SLC9A9: variants seen among roughly 807,000 people sequenced by gnomAD.
SLC9A9 encodes the protein sodium/hydrogen exchanger 9.
SLC9A9 carries 62 observed loss-of-function variants against 77.8 expected under a neutral mutation model. The ratio of observed to expected loss-of-function variants is 0.80; its 90% CI spans 0.65 to 0.98. The LOEUF is 0.98. Among genes scored for constraint, SLC9A9 ranks in the 50% least tolerant of loss-of-function variants. The probability of loss-of-function intolerance (pLI) is 0.00; values close to 1 mark genes in which losing one functional copy is unlikely to be tolerated. For missense variants in SLC9A9, 775 were observed against 774.9 expected (o/e 1.00, Z 0.00); for synonymous variants, 320 against 283.5 (o/e 1.13, Z -1.29).
chr3:143,833,914 C>T (rs1191993039), intron 1 of SLC9A9, among the ~76,000 whole-genome samples: 1 of 152,076 alleles, frequency 6.6e-6, no homozygotes, highest in Non-Finnish European at 1.5e-5. Flanking sequence ...AGACTCTAGA[C>T]CTAGACCATA....
rs1247855020 is a variant in SLC9A9, at chr3:143,458,577, G to T, written c.1469+8460C>A. Reference sequence around the variant, plus strand: ...ATTTTAATTTACCTATTGAACTTTTGACTATATCTCATTGTGTATGTGTTT... The same window carrying T: ...ATTTTAATTTACCTATTGAACTTTTTACTATATCTCATTGTGTATGTGTTT... On this transcript the variant is annotated intron_variant, in intron 12 of 15. Transcript: ENST00000316549. Among the ~76,000 whole-genome samples, 6 of 151,824 alleles carry T rather than the reference G, an allele frequency of 4.0e-5. No homozygotes were observed. In the East Asian group the frequency reaches 1.2e-3, roughly 29 times the overall value.
At chr3:143,793,286 T>TA (rs1453707947) in intron 4 of SLC9A9, among the ~76,000 whole-genome samples, 2 of 152,094 alleles carry the variant, frequency 1.3e-5, no homozygotes, top group African/African-American at 4.8e-5. Context: ...TGGTGCTTTC[T>TA]AAAAAAATGA....
chr3:143,729,464 C>T (rs557167993), intron 4 of SLC9A9, among the ~76,000 whole-genome samples: 7 of 152,326 alleles, frequency 4.6e-5, no homozygotes, highest in African/African-American at 1.7e-4. Context: ...GCTAGCCCTC[C>T]TATTCCTGTC....
chr3:143,463,849 A>T (rs972099607), intron 12 of SLC9A9, among the ~76,000 whole-genome samples: 2 of 152,182 alleles, frequency 1.3e-5, no homozygotes, highest in African/African-American at 4.8e-5. Flanking sequence ...ACATATAAAG[A>T]TCATTATTTG....
At chr3:143,770,244 T>G (rs1177474618) in intron 4 of SLC9A9, among the ~76,000 whole-genome samples, 23 of 151,964 alleles carry the variant, frequency 1.5e-4, no homozygotes, top group Admixed American at 1.5e-3. Flanking sequence ...GAAAAATTCT[T>G]GGAAAAAAGG....
At position 143,716,182 on chromosome 3, in the gene SLC9A9, C is replaced by T. The variant is rs148277106; in HGVS notation, c.534-22875G>A. ...CTTGACCTCCTGGGCTCAAGAGATC[C>T]TCCTGCCTCAGCCTCCTGAGTAGCT... On this transcript the variant is annotated intron_variant, in intron 4 of 15. Transcript: ENST00000316549. 9.8e-3 allele frequency among the ~76,000 whole-genome samples: 1,490 copies of T among 152,240 alleles called. 29 individuals are homozygous for T. The highest frequency in any genetic ancestry group is 0.034 in the African/African-American group (1,432 of 41,542).
chr3:143,470,876 T>C (rs1317544644), intron 11 of SLC9A9, among the ~76,000 whole-genome samples: 2 of 152,196 alleles, frequency 1.3e-5, no homozygotes, highest in Non-Finnish European at 1.5e-5. Flanking sequence ...CAATTCTTGG[T>C]TTAAAAATAT....
Position 143,561,566 on chromosome 3 carries a change from C to T in SLC9A9, c.1001-9116G>A, listed in dbSNP as rs770805556. Among the ~76,000 whole-genome samples, 15 of 152,152 alleles carry T rather than the reference C, an allele frequency of 9.9e-5. 1 individual carries two copies. The highest frequency in any genetic ancestry group is 6.2e-4 in the South Asian group (3 of 4,822). ...TCAGCCCCTGTGGTATCTTGGGCCT[C>T]GATGCTTCCCAGGCTGCCATTCTCT... On this transcript the variant is annotated intron_variant, in intron 8 of 15. Transcript: ENST00000316549.
chr3:143,495,423 G>C lies in SLC9A9; in HGVS notation c.1115C>G (p.Ala372Gly). The C allele has an allele frequency of 6.2e-7, 1 of 1,613,812 alleles. No homozygotes were observed. The highest frequency in any genetic ancestry group is 8.5e-7 in the Non-Finnish European group (1 of 1,179,784). ...KQLFEFMNFL[A>G]ENVIFCYMGL... ...CATGTAACAGAAGATGACGTTCTCC[G>C]CCAAAAAGTTCATAAATTCAAACAA... The change falls in exon 10 of 16, where the codon GCG (alanine) becomes GGG (glycine). Residue 372 changes from alanine to glycine, a missense_variant. By Grantham distance (60) the Ala-to-Gly change is moderately conservative. Transcript: ENST00000316549.
At chr3:143,615,897 T>G (rs911846632) in intron 6 of SLC9A9, among the ~76,000 whole-genome samples, 2 of 151,362 alleles carry the variant, frequency 1.3e-5, no homozygotes, top group Non-Finnish European at 2.9e-5. Context: ...TTTTTTTTTT[T>G]TGTGACAGAG....
chr3:143,366,390 G>T (rs1445257563), intron 13 of SLC9A9, among the ~76,000 whole-genome samples: 1 of 152,176 alleles, frequency 6.6e-6, no homozygotes, highest in Non-Finnish European at 1.5e-5. Flanking sequence ...ACCACTAGAA[G>T]GTAACAATTG....
chr3:143,510,968 C>T (rs915530003), intron 9 of SLC9A9, among the ~76,000 whole-genome samples: 1 of 152,194 alleles, frequency 6.6e-6, no homozygotes, highest in South Asian at 2.1e-4. Flanking sequence ...CAAGAAATTC[C>T]TGTCAGGAAT....
intron 9 of SLC9A9, among the ~76,000 whole-genome samples, chr3:143,533,640 T>C (rs1490807099): frequency 6.6e-6 from 1 of 152,194 alleles, no homozygotes; most frequent in Non-Finnish European, 1.5e-5. Flanking sequence ...TCTTTAGATA[T>C]CATATATCAG....
chr3:143,584,335 C>T (rs574237620), intron 6 of SLC9A9, among the ~76,000 whole-genome samples: 6 of 152,272 alleles, frequency 3.9e-5, no homozygotes, highest in South Asian at 2.1e-4. Context: ...TCTCCCTGAC[C>T]GGTCCTCTCA....
intron 4 of SLC9A9, among the ~76,000 whole-genome samples, chr3:143,726,289 T>G (rs1159985385): frequency 6.7e-6 from 1 of 148,884 alleles, no homozygotes; most frequent in Non-Finnish European, 1.5e-5. Context: ...GATCAATGGC[T>G]GCTGATGGCC....
intron 5 of SLC9A9, chr3:143,655,613 C>A (rs1332315634): frequency 1.4e-5 from 14 of 984,982 alleles, no homozygotes; most frequent in Non-Finnish European, 1.7e-5. Context: ...TTCACTTTGT[C>A]TTTCAAATTG....
intron 12 of SLC9A9, among the ~76,000 whole-genome samples, chr3:143,396,655 A>C (rs1038722304): frequency 6.6e-6 from 1 of 152,154 alleles, no homozygotes; most frequent in Admixed American, 6.5e-5. Flanking sequence ...TGCTTAGAAG[A>C]AGTAGCTGTT....
intron 14 of SLC9A9, among the ~76,000 whole-genome samples, chr3:143,286,077 AC>A (rs1317612596): frequency 6.6e-6 from 1 of 152,224 alleles, no homozygotes; most frequent in African/African-American, 2.4e-5. Flanking sequence ...TTCTCTTTCA[AC>A]CAAAAAAAGG....
chr3:143,494,831 G>A (rs2035806321), intron 10 of SLC9A9, among the ~76,000 whole-genome samples: 1 of 152,200 alleles, frequency 6.6e-6, no homozygotes, highest in Non-Finnish European at 1.5e-5. Context: ...TTTGAACAAT[G>A]CTTATGATGT....
Sources: gnomAD v4.1 joint callset for allele counts (sites outside exome capture counted in the v4.1 genomes callset) on GRCh38, gnomAD v4.1.1 for gene constraint, MANE v1.5 for transcripts, NCBI Gene and HGNC (gene_info 2026-07-23, HGNC 2026-07-21) for gene names.